The following NR3C2 variants were observed in gnomAD, a reference collection of about 807,000 sequenced individuals.
The protein encoded by NR3C2 is mineralocorticoid receptor.
In NR3C2, 15 loss-of-function variants were observed where a neutral mutation model predicts 86.4. That is an observed-to-expected ratio of 0.17 (90% confidence interval 0.12 to 0.27). NR3C2 has a LOEUF of 0.27. Ranked by LOEUF, NR3C2 falls within the 10% of genes least tolerant of loss-of-function variation. The pLI is 1.00. For missense variants in NR3C2, 960 were observed against 1,195.6 expected, an observed-to-expected ratio of 0.80 and a Z score of 2.91; for synonymous variants, 458 against 450.5, an observed-to-expected ratio of 1.02 and a Z score of -0.21.
rs57815759 is a variant in NR3C2, at chr4:148,113,515, G to GA, written c.2799+588dup. Among the ~76,000 whole-genome samples, 551 of 145,598 alleles carry GA rather than the reference G, an allele frequency of 3.8e-3. 5 individuals are homozygous for GA. Among genetic ancestry groups the GA allele is most frequent in the African/African-American group, 9.3e-3 (372 of 40,122 alleles). On this transcript the variant is annotated intron_variant, in intron 8 of 8. Coordinates refer to ENST00000358102, the MANE Select transcript of NR3C2 (RefSeq NM_000901.5). ...ATGAGGTTTGTTCCAAAGGTTATTT[G>GA]AAAAAAAAAAAATTCCTTAATCAGT...
At chr4:148,264,125 T>A (rs1740260615) in intron 2 of NR3C2, among the ~76,000 whole-genome samples, 2 of 152,172 alleles carry the variant, frequency 1.3e-5, no homozygotes, top group African/African-American at 4.8e-5. Flanking sequence ...TTCATTTAGC[T>A]TTGCACAGAG....
At chr4:148,403,160 CA>C (rs1553938987) in intron 2 of NR3C2, among the ~76,000 whole-genome samples, 1 of 151,994 alleles carries the variant, frequency 6.6e-6, no homozygotes, top group Admixed American at 6.5e-5. Context: ...AATGAAATTA[CA>C]AAAATAGTCT....
intron 2 of NR3C2, among the ~76,000 whole-genome samples, chr4:148,305,624 T>TTTCTTAATTTG (rs1301285455): frequency 3.3e-5 from 5 of 152,056 alleles, no homozygotes; most frequent in African/African-American, 1.2e-4. Flanking sequence ...TGAGAGAACT[T>TTTCTTAATTTG]CAGGATAAAT....
At chr4:148,369,716 C>T (rs1305541066) in intron 2 of NR3C2, among the ~76,000 whole-genome samples, 1 of 152,152 alleles carries the variant, frequency 6.6e-6, no homozygotes, top group Non-Finnish European at 1.5e-5. Context: ...AACCCATATC[C>T]AGAGACATCT....
At chr4:148,338,290 A>G (rs554457197) in intron 2 of NR3C2, among the ~76,000 whole-genome samples, 2 of 152,230 alleles carry the variant, frequency 1.3e-5, no homozygotes, top group Admixed American at 6.5e-5. Flanking sequence ...GAAAATCACT[A>G]AAGTTATCAA....
intron 2 of NR3C2, among the ~76,000 whole-genome samples, chr4:148,299,783 A>T (rs1183098338): frequency 6.6e-6 from 1 of 151,612 alleles, no homozygotes; most frequent in African/African-American, 2.4e-5. Context: ...TTTTTTCTCC[A>T]CCCTGTCAGC....
chr4:148,122,531 A>C (rs1044697339), intron 6 of NR3C2, among the ~76,000 whole-genome samples: 1 of 152,204 alleles, frequency 6.6e-6, no homozygotes, highest in Non-Finnish European at 1.5e-5. Context: ...GATTACTGAC[A>C]AGTTTGGATG....
At chr4:148,429,373 G>A (rs1749694847) in intron 2 of NR3C2, among the ~76,000 whole-genome samples, 1 of 152,210 alleles carries the variant, frequency 6.6e-6, no homozygotes, top group South Asian at 2.1e-4. Flanking sequence ...TATGAATCCA[G>A]ATGGCCAGCT....
intron 8 of NR3C2, among the ~76,000 whole-genome samples, chr4:148,083,300 G>T (rs975270756): frequency 2.0e-5 from 3 of 152,210 alleles, no homozygotes; most frequent in Admixed American, 6.5e-5. Flanking sequence ...TCATACAGGA[G>T]AGCTTCACCT....
chr4:148,395,658 A>C (rs17581975), intron 2 of NR3C2, among the ~76,000 whole-genome samples: 2 of 152,102 alleles, frequency 1.3e-5, no homozygotes, highest in Non-Finnish European at 2.9e-5. Context: ...ATATTGAACC[A>C]TACTCAATGA....
intron 6 of NR3C2, among the ~76,000 whole-genome samples, chr4:148,126,890 A>G (rs1170125174): frequency 1.3e-5 from 2 of 152,178 alleles, no homozygotes; most frequent in African/African-American, 2.4e-5. Context: ...GGTACATGTG[A>G]AGCCAGGATC....
chr4:148,238,375 A>C (rs376338762), intron 3 of NR3C2, among the ~76,000 whole-genome samples: 63 of 152,348 alleles, frequency 4.1e-4, no homozygotes, highest in Admixed American at 7.8e-4. Flanking sequence ...ACAACAACAA[A>C]AAAAAGTCAT....
intron 3 of NR3C2, among the ~76,000 whole-genome samples, chr4:148,255,353 T>C (rs1364329456): frequency 6.6e-6 from 1 of 152,182 alleles, no homozygotes; most frequent in Non-Finnish European, 1.5e-5. Flanking sequence ...CTGAACTACA[T>C]GGAAAAGAAA....
intron 5 of NR3C2, 106 bp from the exon 6 acceptor site, chr4:148,152,719 C>T: frequency 8.9e-7 from 1 of 1,125,420 alleles, no homozygotes; most frequent in East Asian, 2.5e-5. Flanking sequence ...TTTCACTTTT[C>T]TCTTTTCTGA....
intron 2 of NR3C2, among the ~76,000 whole-genome samples, chr4:148,405,083 T>TATG (rs72658629): frequency 0.42 from 63,665 of 151,492 alleles, 14,625 homozygotes; most frequent in East Asian, 0.75. Context: ...AAAATTGTCT[T>TATG]CTGCTCACAT....
rs1383710962 is a variant in NR3C2 at position 148,133,439 on chromosome 4, T to C, written c.2511-13151A>G. On this transcript the variant is annotated intron_variant, in intron 6 of 8. Coordinates refer to ENST00000358102, the MANE Select transcript of NR3C2 (RefSeq NM_000901.5). ...AATAAATGACTATCGTTTCCTCACT[T>C]ATAAAATGGGGCTGCAAAAAGGTAG... Among the ~76,000 whole-genome samples the C allele has an allele frequency of 3.3e-5, 5 of 152,166 alleles. No homozygotes were observed. The East Asian group carries it at 7.7e-4, about 23-fold the overall frequency.
intron 3 of NR3C2, among the ~76,000 whole-genome samples, chr4:148,254,437 C>G (rs1049804081): frequency 6.6e-6 from 1 of 152,210 alleles, no homozygotes; most frequent in African/African-American, 2.4e-5. Flanking sequence ...TCTGATCTCT[C>G]AAGATTCAGC....
At chr4:148,129,310 AAG>A (rs1341744279) in intron 6 of NR3C2, among the ~76,000 whole-genome samples, 7 of 152,318 alleles carry the variant, frequency 4.6e-5, no homozygotes, top group Non-Finnish European at 8.8e-5. Context: ...GAGCTATCTA[AAG>A]TAGTCACACT....
chr4:148,267,545 A>T (rs970748744), intron 2 of NR3C2, among the ~76,000 whole-genome samples: 1 of 152,100 alleles, frequency 6.6e-6, no homozygotes, highest in East Asian at 1.9e-4. Flanking sequence ...AAGGGTTTTT[A>T]AAAAAATAAT....
Sources: gnomAD v4.1 joint callset for allele counts (sites outside exome capture counted in the v4.1 genomes callset) on GRCh38, gnomAD v4.1.1 for gene constraint, MANE v1.5 for transcripts, NCBI Gene and HGNC (gene_info 2026-07-23, HGNC 2026-07-21) for gene names.